WDR27: variants seen among roughly 807,000 people sequenced by gnomAD.
The protein encoded by WDR27 is WD repeat domain 27, also known as WD repeat-containing protein 27.
A neutral mutation model predicts 114.4 loss-of-function variants in WDR27; 100 were observed. That is an observed-to-expected ratio of 0.87 (90% CI 0.74 to 1.03). WDR27 has a LOEUF of 1.03. Among genes scored for constraint, WDR27 ranks in the 50% least tolerant of loss-of-function variants. The pLI, the probability that WDR27 is intolerant of heterozygous loss-of-function variation, is 0.00. For missense variants in WDR27, 1,129 were observed against 1,092.9 expected (o/e 1.03, Z -0.47); for synonymous variants, 449 against 423.1 (o/e 1.06, Z -0.75).
chr6:169,638,322 CAAAAAAA>C (rs60501000), intron 18 of WDR27, among the ~76,000 whole-genome samples: 14 of 11,064 alleles, frequency 1.3e-3, no homozygotes, highest in East Asian at 2.9e-3. Flanking sequence ...GACTCCGTCT[CAAAAAAA>C]AAAAAAAAAA....
At chr6:169,576,793 AAAAAGGAAAAGG>A (rs1562614895) in intron 24 of WDR27, among the ~76,000 whole-genome samples, 6 of 152,012 alleles carry the variant, frequency 3.9e-5, no homozygotes, top group African/African-American at 1.4e-4. Context: ...AGAAAAGAAA[AAAAAGGAAAAGG>A]AAAAGGAAAG....
chr6:169,634,624 A>G (rs761013229), intron 19 of WDR27, 99 bp from the exon 20 acceptor site: 9 of 728,546 alleles, frequency 1.2e-5, no homozygotes, highest in East Asian at 2.9e-5. Context: ...GAAAGTTTTC[A>G]TATCACTTTA....
intron 19 of WDR27, 34 bp downstream of exon 19, chr6:169,636,337 T>A: frequency 1.4e-5 from 22 of 1,600,260 alleles, no homozygotes; most frequent in Non-Finnish European, 1.9e-5. Context: ...CTTCCTGTGA[T>A]CTAAAAATAA....
intron 25 of WDR27, among the ~76,000 whole-genome samples, chr6:169,567,199 C>A (rs986874267): frequency 2.0e-5 from 3 of 152,208 alleles, no homozygotes; most frequent in Non-Finnish European, 4.4e-5. Flanking sequence ...TGCCACACAT[C>A]TGGCATCATG....
At chr6:169,687,685 T>C (rs1179681425) in intron 2 of WDR27, among the ~76,000 whole-genome samples, 1 of 152,190 alleles carries the variant, frequency 6.6e-6, no homozygotes, top group African/African-American at 2.4e-5. Context: ...CTCACTATCA[T>C]GAGGAATTGA....
intron 2 of WDR27, among the ~76,000 whole-genome samples, chr6:169,674,853 G>C (rs1779675953): frequency 6.6e-6 from 1 of 152,196 alleles, no homozygotes; most frequent in African/African-American, 2.4e-5. Flanking sequence ...AAAGGGCAAT[G>C]GGGTGGGGTT....
intron 25 of WDR27, among the ~76,000 whole-genome samples, chr6:169,462,168 G>T (rs890162341): frequency 2.6e-5 from 4 of 151,788 alleles, no homozygotes; most frequent in African/African-American, 9.7e-5. Flanking sequence ...AAAAATCTTA[G>T]GCTGGGCACG....
intron 1 of WDR27, among the ~76,000 whole-genome samples, chr6:169,690,040 C>G (rs1287462880): frequency 1.3e-5 from 2 of 152,036 alleles, no homozygotes; most frequent in Admixed American, 1.3e-4. Context: ...ACCCATGAGG[C>G]CCTCATGCTG....
chr6:169,560,528 C>T (rs1018063522), intron 25 of WDR27, among the ~76,000 whole-genome samples: 32 of 152,154 alleles, frequency 2.1e-4, no homozygotes, highest in African/African-American at 7.0e-4. Flanking sequence ...CCAAGCCTGA[C>T]GGGAAGGCAC....
chr6:169,443,917 G>A, the WDR27 span, among the ~76,000 whole-genome samples: 2 of 152,184 alleles, frequency 1.3e-5, no homozygotes, highest in Non-Finnish European at 2.9e-5. Flanking sequence ...CCTCCAGCAA[G>A]GCACGTAGGG....
chr6:169,570,690 G>A (rs561035282), intron 25 of WDR27, among the ~76,000 whole-genome samples: 7 of 152,276 alleles, frequency 4.6e-5, no homozygotes, highest in Non-Finnish European at 7.4e-5. Flanking sequence ...TTAGCCAGGC[G>A]TGGTGGCGGG....
chr6:169,651,857 C>T (rs1655651557), intron 14 of WDR27, 73 bp downstream of exon 14: 1 of 1,329,572 alleles, frequency 7.5e-7, no homozygotes. Context: ...GTATGTGTGT[C>T]CCTATTTGTG....
At position 169,566,488 on chromosome 6, in the gene WDR27, G is replaced by A. The variant is rs148431569; in HGVS notation, c.2645+5931C>T. Among the ~76,000 whole-genome samples the A allele has an allele frequency of 6.6e-3, 1,009 of 152,346 alleles. 9 individuals are homozygous for A. Among genetic ancestry groups the A allele is most frequent in the Non-Finnish European group, 9.6e-3 (654 of 68,038 alleles). On this transcript the variant is annotated intron_variant, in intron 25 of 25. Coordinates refer to ENST00000448612, the MANE Select transcript of WDR27 (RefSeq NM_182552.5). ...CACGTCACGGGATGAGAAACAAAAT[G>A]ACAACTCAAACTATGTCACGTGATG...
At chr6:169,526,008 CAT>C (rs1175765305) in intron 25 of WDR27, among the ~76,000 whole-genome samples, 2 of 152,118 alleles carry the variant, frequency 1.3e-5, no homozygotes, top group Non-Finnish European at 2.9e-5. Flanking sequence ...CATTCCCCCT[CAT>C]ATGTGGAGGA....
the WDR27 span, among the ~76,000 whole-genome samples, chr6:169,435,858 G>C: frequency 6.6e-6 from 1 of 152,198 alleles, no homozygotes; most frequent in Admixed American, 6.5e-5. Context: ...GAAATGTGAG[G>C]ACATGAGATT....
At chr6:169,613,989 A>T (rs1237048220) in intron 21 of WDR27, among the ~76,000 whole-genome samples, 1 of 152,214 alleles carries the variant, frequency 6.6e-6, no homozygotes, top group East Asian at 1.9e-4. Context: ...TCAATAAATC[A>T]TCTGAAAGAT....
At position 169,701,789 on chromosome 6, in the gene WDR27, G is replaced by C; in HGVS notation, c.-246C>G. On this transcript the variant is annotated 5_prime_UTR_variant, in exon 1 of 26. Transcript: ENST00000448612. ...AACCCTCAAATCGCCCCCTTTCCTAGAGACCTCAGCGGAGCCGCGAGCAAC... is the reference window on the plus strand; with the variant it reads ...AACCCTCAAATCGCCCCCTTTCCTACAGACCTCAGCGGAGCCGCGAGCAAC... 3.5e-6 allele frequency: 1 copy of C among 283,680 alleles called. No individual in the cohort carries two copies. Among genetic ancestry groups the C allele is most frequent in the Admixed American group, 5.2e-5 (1 of 19,294 alleles). The allele number at this position is 283,680 out of a possible 1,614,324, so 17.6% of individuals were successfully genotyped here. A position where few individuals can be genotyped will look rare whatever the true frequency, so the allele number is the denominator to read the frequency against.
At chr6:169,584,663 G>C (rs1201861579) in intron 23 of WDR27, among the ~76,000 whole-genome samples, 2 of 152,290 alleles carry the variant, frequency 1.3e-5, no homozygotes, top group South Asian at 2.1e-4. Context: ...TAGTGATGTG[G>C]AGCACCTTTT....
At chr6:169,555,797 A>G (rs1277087491) in intron 25 of WDR27, among the ~76,000 whole-genome samples, 1 of 152,244 alleles carries the variant, frequency 6.6e-6, no homozygotes, top group Non-Finnish European at 1.5e-5. Context: ...TGAAATTACA[A>G]TAAGATTATT....
Sources: allele counts gnomAD v4.1 joint callset (sites outside exome capture counted in the v4.1 genomes callset), GRCh38; gene constraint gnomAD v4.1.1; transcripts MANE v1.5; gene names NCBI Gene and HGNC (gene_info 2026-07-23, HGNC 2026-07-21).